RIMS2: variants seen among roughly 807,000 people sequenced by gnomAD.
RIMS2 encodes the protein regulating synaptic membrane exocytosis 2.
Under a neutral mutation model 174.4 loss-of-function variants are expected in RIMS2, and 59 were observed. That is an observed-to-expected ratio of 0.34 (90% CI 0.27 to 0.42). The LOEUF (loss-of-function observed/expected upper bound fraction) is 0.42, where lower values mean the gene tolerates loss of function less well. Ranked by LOEUF, RIMS2 falls within the 10% of genes least tolerant of loss-of-function variation. The pLI, the probability that RIMS2 is intolerant of heterozygous loss-of-function variation, is 1.00. For missense variants in RIMS2, 1,620 were observed against 1,666.3 expected (o/e 0.97, Z 0.48); for synonymous variants, 606 against 572.5 (o/e 1.06, Z -0.84).
At chr8:103,938,225 T>C (rs2081711724) in intron 13 of RIMS2, among the ~76,000 whole-genome samples, 1 of 152,176 alleles carries the variant, frequency 6.6e-6, no homozygotes, top group Non-Finnish European at 1.5e-5. Context: ...GGTATATTAA[T>C]TCATTTTCAC....
intron 2 of RIMS2, among the ~76,000 whole-genome samples, chr8:103,711,435 A>C (rs922033862): frequency 7.2e-5 from 11 of 152,218 alleles, no homozygotes; most frequent in Non-Finnish European, 1.3e-4. Context: ...CCATTTGTGA[A>C]TCATTATAAT....
At chr8:103,912,631 G>A (rs2154527622) in intron 6 of RIMS2, among the ~76,000 whole-genome samples, 1 of 152,228 alleles carries the variant, frequency 6.6e-6, no homozygotes, top group South Asian at 2.1e-4. Flanking sequence ...GTGTGTGCAT[G>A]TGTATGTGCA....
chr8:103,780,253 C>G (rs2098373310), intron 3 of RIMS2, among the ~76,000 whole-genome samples: 1 of 152,114 alleles, frequency 6.6e-6, no homozygotes, highest in Non-Finnish European at 1.5e-5. Context: ...CTTTGATATT[C>G]TCTGACCTTC....
intron 1 of RIMS2, chr8:103,501,315 T>C (rs1185458427): frequency 4.1e-6 from 1 of 244,754 alleles, no homozygotes; most frequent in Non-Finnish European, 7.9e-6. Flanking sequence ...GTGATTTTCC[T>C]TGGCGCCTTT....
intron 4 of RIMS2, among the ~76,000 whole-genome samples, chr8:103,902,162 C>T (rs1356554672): frequency 6.6e-6 from 1 of 152,122 alleles, no homozygotes; most frequent in South Asian, 2.1e-4. Flanking sequence ...CATCAGCTCC[C>T]CCACATCTCC....
At position 103,770,834 on chromosome 8, in the gene RIMS2, A is replaced by G. The variant is rs540669380; in HGVS notation, c.698+4297A>G. ...GAATGGGTTTTATTGCAGTATTTGA[A>G]TTGGACAGGGAAATGGAGGTAATGC... On this transcript the variant is annotated intron_variant, in intron 3 of 23. Transcript: ENST00000504942. Among the ~76,000 whole-genome samples, 3 of 151,970 alleles carry G rather than the reference A, an allele frequency of 2.0e-5. No homozygotes were observed. In the East Asian group the frequency reaches 5.8e-4, roughly 29 times the overall value.
intron 19 of RIMS2, among the ~76,000 whole-genome samples, chr8:104,131,757 A>G (rs1436621639): frequency 6.6e-6 from 1 of 152,194 alleles, no homozygotes; most frequent in Non-Finnish European, 1.5e-5. Flanking sequence ...AGAGAAAAAC[A>G]TATGCACAGT....
At chr8:103,864,992 A>G (rs1202582764) in intron 3 of RIMS2, among the ~76,000 whole-genome samples, 1 of 152,172 alleles carries the variant, frequency 6.6e-6, no homozygotes, top group Non-Finnish European at 1.5e-5. Context: ...GATGCTAACC[A>G]TACTATACTT....
intron 19 of RIMS2, among the ~76,000 whole-genome samples, chr8:104,244,074 A>C (rs2099317644): frequency 6.6e-6 from 1 of 152,102 alleles, no homozygotes; most frequent in African/African-American, 2.4e-5. Context: ...GTCCAGCTCA[A>C]ATCCCACAGC....
intron 20 of RIMS2, among the ~76,000 whole-genome samples, chr8:104,248,271 C>G (rs535503046): frequency 6.6e-6 from 1 of 152,200 alleles, no homozygotes; most frequent in African/African-American, 2.4e-5. Context: ...GAAGAAATAA[C>G]AGCATATTTG....
chr8:103,659,810 G>A (rs907508940), intron 1 of RIMS2, among the ~76,000 whole-genome samples: 4 of 152,172 alleles, frequency 2.6e-5, no homozygotes, highest in African/African-American at 9.7e-5. Flanking sequence ...CGAGTGGAGC[G>A]TTTCACTGAG....
intron 12 of RIMS2, among the ~76,000 whole-genome samples, chr8:103,934,611 A>G (rs2080794197): frequency 6.6e-6 from 1 of 151,934 alleles, no homozygotes; most frequent in Non-Finnish European, 1.5e-5. Flanking sequence ...TAAAATTTTC[A>G]TTCTTTATCT....
chr8:104,140,750 T>C (rs537374295), intron 19 of RIMS2, among the ~76,000 whole-genome samples: 1 of 152,292 alleles, frequency 6.6e-6, no homozygotes, highest in Admixed American at 6.5e-5. Flanking sequence ...AGATGCAAGG[T>C]AGATGTTTGC....
chr8:103,759,564 C>CAAAAAAAAAAAAA (rs35946104), intron 2 of RIMS2, among the ~76,000 whole-genome samples: 25 of 69,968 alleles, frequency 3.6e-4, no homozygotes, highest in African/African-American at 5.0e-4. Flanking sequence ...GACTCCGTCT[C>CAAAAAAAAAAAAA]AAAAAAAAAA....
At chr8:104,169,336 AT>A (rs1563509809) in intron 19 of RIMS2, among the ~76,000 whole-genome samples, 10 of 39,962 alleles carry the variant, frequency 2.5e-4, no homozygotes, top group South Asian at 7.5e-4. Context: ...ATATATATAT[AT>A]ATAAAACAGA....
At chr8:103,947,181 C>G (rs1565466760) in intron 14 of RIMS2, among the ~76,000 whole-genome samples, 2 of 152,148 alleles carry the variant, frequency 1.3e-5, no homozygotes, top group Non-Finnish European at 2.9e-5. Flanking sequence ...AATCTTCATT[C>G]CTTTGGGTTA....
Position 104,156,685 on chromosome 8 carries a change from CT to C in RIMS2, c.3335-88230del, listed in dbSNP as rs1384759374. 9.2e-5 allele frequency among the ~76,000 whole-genome samples: 14 copies of C among 152,184 alleles called. No individual in the cohort carries two copies. The East Asian group carries it at 2.7e-3, about 29-fold the overall frequency. On this transcript the variant is annotated intron_variant, in intron 19 of 23. Coordinates refer to ENST00000504942, the Ensembl canonical transcript of RIMS2. ...CATTTATAAATAAATTTTTACAGAACTAGAAGTGAGATTTTTAGAGATTTAT... is the reference window on the plus strand; with the variant it reads ...CATTTATAAATAAATTTTTACAGAACAGAAGTGAGATTTTTAGAGATTTAT...
intron 3 of RIMS2, among the ~76,000 whole-genome samples, chr8:103,857,045 C>T (rs1351085381): frequency 6.6e-6 from 1 of 152,116 alleles, no homozygotes; most frequent in African/African-American, 2.4e-5. Flanking sequence ...AATATCATTA[C>T]ATTGAACTTT....
intron 1 of RIMS2, among the ~76,000 whole-genome samples, chr8:103,644,623 C>T: frequency 6.6e-6 from 1 of 151,422 alleles, no homozygotes; most frequent in South Asian, 2.1e-4. Flanking sequence ...AAAATATTGG[C>T]AAAAGGAGAA....
Sources: gnomAD v4.1 joint callset for allele counts (sites outside exome capture counted in the v4.1 genomes callset) on GRCh38, gnomAD v4.1.1 for gene constraint, MANE v1.5 for transcripts, NCBI Gene and HGNC (gene_info 2026-07-23, HGNC 2026-07-21) for gene names.